The following CCDC170 variants were observed in gnomAD, a reference collection of about 807,000 sequenced individuals.
The protein encoded by CCDC170 is coiled-coil domain-containing protein 170.
CCDC170 carries 69 observed loss-of-function variants against 72.6 expected under a neutral mutation model. That is an observed-to-expected ratio of 0.95 (90% CI 0.78 to 1.16). CCDC170 has a LOEUF of 1.16. Among genes scored for constraint, CCDC170 ranks in the 50% most tolerant of loss-of-function variants. The probability of loss-of-function intolerance (pLI) is 0.00; values close to 1 mark genes in which losing one functional copy is unlikely to be tolerated. For synonymous variants in CCDC170, 300 were observed against 303.9 expected (o/e 0.99, Z 0.13); for missense variants, 852 against 832.5 (o/e 1.02, Z -0.29).
At chr6:151,499,800 A>G (rs147441066) in intron 1 of CCDC170, among the ~76,000 whole-genome samples, 84 of 152,324 alleles carry the variant, frequency 5.5e-4, no homozygotes, top group Non-Finnish European at 9.9e-4. Context: ...AGCTTGAAAT[A>G]TATTCCATTG....
chr6:151,581,648 C>T (rs1303482727), intron 6 of CCDC170, among the ~76,000 whole-genome samples: 1 of 152,208 alleles, frequency 6.6e-6, no homozygotes, highest in Non-Finnish European at 1.5e-5. Flanking sequence ...AGAAGGTTTT[C>T]AATTTACTTT....
In CCDC170 at chr6:151,572,649, G is replaced by GTTTTTTTTTTTTTTTTTTTTTTTTT. The variant is rs1213267537; in HGVS notation, c.775-505_775-504insTTTTTTTTTTTTTTTTTTTTTTTTT. On this transcript the variant is annotated intron_variant, in intron 5 of 10. Coordinates refer to ENST00000239374, the MANE Select transcript of CCDC170 (RefSeq NM_025059.4). ...TTTATATTTTATATCCCTTCTCTGT[G>GTTTTTTTTTTTTTTTTTTTTTTTTT]TTTTTTTTTTTTTTTTTTTTGATGG... Among the ~76,000 whole-genome samples the GTTTTTTTTTTTTTTTTTTTTTTTTT allele has an allele frequency of 6.8e-4, 26 of 37,974 alleles. 1 individual carries two copies. Among genetic ancestry groups the GTTTTTTTTTTTTTTTTTTTTTTTTT allele is most frequent in the African/African-American group, 2.1e-3 (17 of 8,154 alleles). The allele number at this position is 37,974 out of a possible 152,430, so 24.9% of individuals were successfully genotyped here. A position where few individuals can be genotyped will look rare whatever the true frequency, so the allele number is the denominator to read the frequency against.
At chr6:151,562,375 G>T (rs1776049958) in intron 5 of CCDC170, among the ~76,000 whole-genome samples, 1 of 152,142 alleles carries the variant, frequency 6.6e-6, no homozygotes, top group Non-Finnish European at 1.5e-5. Flanking sequence ...TTGTTTGAAT[G>T]GGACTTCTTT....
At chr6:151,588,505 A>T (rs1776487826) in intron 7 of CCDC170, among the ~76,000 whole-genome samples, 1 of 152,252 alleles carries the variant, frequency 6.6e-6, no homozygotes, top group African/African-American at 2.4e-5. Context: ...AGACTAGCCC[A>T]GTTCAGAAGA....
At chr6:151,545,213 G>A (rs993318329) in intron 4 of CCDC170, among the ~76,000 whole-genome samples, 1 of 151,984 alleles carries the variant, frequency 6.6e-6, no homozygotes, top group African/African-American at 2.4e-5. Context: ...TGAGGTCAGG[G>A]GTTTGAGACC....
rs146510020 is a variant in CCDC170 at position 151,583,511 on chromosome 6, G to A, written c.1093-2378G>A. 7.9e-5 allele frequency among the ~76,000 whole-genome samples: 12 copies of A among 152,122 alleles called. No individual in the cohort carries two copies. The East Asian group carries it at 2.3e-3, about 30-fold the overall frequency. ...CTCATTCTGTCACCTAGGCTGGAGT[G>A]CAGTGGCGTGATGTTGGCTCACTAC... On this transcript the variant is annotated intron_variant, in intron 6 of 10. Transcript: ENST00000239374.
chr6:151,563,518 T>G (rs1055029641), intron 5 of CCDC170, among the ~76,000 whole-genome samples: 1 of 152,088 alleles, frequency 6.6e-6, no homozygotes, highest in African/African-American at 2.4e-5. Flanking sequence ...AAAGTCAGAA[T>G]GGGTTGTGGG....
At position 151,573,621 on chromosome 6, in the gene CCDC170, A is replaced by T. The variant is rs1420603271; in HGVS notation, c.1092+130A>T. The T allele has an allele frequency of 5.4e-6, 5 of 929,806 alleles. No homozygotes were observed. The African/African-American group carries it at 6.7e-5, about 12-fold the overall frequency. 57.6% of individuals were successfully genotyped at this position (929,806 alleles called of 1,614,324 possible). On this transcript the variant is annotated intron_variant, in intron 6 of 10. Transcript: ENST00000239374. ...ACCCGAGACTGGGTAATTTATAAAG[A>T]CAAAGAGGTTTAATGGATTCACAGT...
chr6:151,601,164 G>A (rs557606068), intron 9 of CCDC170, among the ~76,000 whole-genome samples: 16 of 152,244 alleles, frequency 1.1e-4, no homozygotes, highest in South Asian at 4.2e-4. Context: ...CTTACATGGC[G>A]GTGGCAAGAG....
chr6:151,499,813 T>C (rs989900347), intron 1 of CCDC170, among the ~76,000 whole-genome samples: 1 of 152,206 alleles, frequency 6.6e-6, no homozygotes, highest in Non-Finnish European at 1.5e-5. Flanking sequence ...TTCCATTGTA[T>C]GCATATGTCA....
At position 151,520,759 on chromosome 6, in the gene CCDC170, C is replaced by T. The variant is rs890533620; in HGVS notation, c.58-15559C>T. 2.9e-4 allele frequency among the ~76,000 whole-genome samples: 44 copies of T among 152,134 alleles called. 1 individual carries two copies. Among genetic ancestry groups the T allele is most frequent in the Admixed American group, 2.0e-3 (31 of 15,272 alleles). On this transcript the variant is annotated intron_variant, in intron 1 of 10. Coordinates refer to ENST00000239374, the MANE Select transcript of CCDC170 (RefSeq NM_025059.4). ...AACTGGCCCATCTGATCTTGTGGCC[C>T]CCAGCTAGGAACTGACTCAGCACAA...
At chr6:151,509,730 C>A (rs1782121064) in intron 1 of CCDC170, among the ~76,000 whole-genome samples, 1 of 152,096 alleles carries the variant, frequency 6.6e-6, no homozygotes. Flanking sequence ...GTGATTGTTA[C>A]AATAGTCTTG....
At chr6:151,569,730 A>G (rs539800460) in intron 5 of CCDC170, among the ~76,000 whole-genome samples, 1 of 152,300 alleles carries the variant, frequency 6.6e-6, no homozygotes, top group African/African-American at 2.4e-5. Context: ...AAGTAATTGC[A>G]TTTGCAGTCT....
Position 151,618,533 on chromosome 6 carries a change from C to A in CCDC170, c.*386C>A. On this transcript the variant is annotated 3_prime_UTR_variant, in exon 11 of 11. Coordinates refer to ENST00000239374, the MANE Select transcript of CCDC170 (RefSeq NM_025059.4). ...TTTAATTTACAACCTTTCTGGGGCT[C>A]AGACATAAAGTTACCTATCCAAGGT... is the stretch of plus-strand genomic sequence containing the variant. 4.8e-6 allele frequency: 1 copy of A among 206,378 alleles called. No homozygotes were observed. Among genetic ancestry groups the A allele is most frequent in the Non-Finnish European group, 1.0e-5 (1 of 100,476 alleles). The allele number at this position is 206,378 out of a possible 1,614,324, so 12.8% of individuals were successfully genotyped here.
chr6:151,537,625 C>T (rs112321896), intron 2 of CCDC170, among the ~76,000 whole-genome samples: 1 of 151,988 alleles, frequency 6.6e-6, no homozygotes, highest in East Asian at 1.9e-4. Flanking sequence ...TAGTGATATA[C>T]TGAGTAGTCT....
intron 9 of CCDC170, among the ~76,000 whole-genome samples, chr6:151,606,566 T>C (rs796701736): frequency 2.6e-5 from 4 of 152,354 alleles, no homozygotes; most frequent in African/African-American, 9.6e-5. Flanking sequence ...GAATATTCCA[T>C]GTGCTGATGA....
intron 3 of CCDC170, among the ~76,000 whole-genome samples, chr6:151,541,881 T>C (rs35082199): frequency 0.62 from 85,083 of 137,792 alleles, 27,733 homozygotes; most frequent in East Asian, 0.74. Context: ...TATATATATA[T>C]ATATATTTTT....
At chr6:151,539,288 T>C (rs1782644009) in intron 3 of CCDC170, among the ~76,000 whole-genome samples, 1 of 152,008 alleles carries the variant, frequency 6.6e-6, no homozygotes, top group Non-Finnish European at 1.5e-5. Flanking sequence ...TATGTATTCA[T>C]GGTCTCCAAT....
chr6:151,558,206 C>T (rs940512109), intron 5 of CCDC170, among the ~76,000 whole-genome samples: 1 of 144,796 alleles, frequency 6.9e-6, no homozygotes, highest in Admixed American at 6.9e-5. Context: ...TATTCATGTC[C>T]TCACCCACTT....
Sources: gnomAD v4.1 joint callset for allele counts (sites outside exome capture counted in the v4.1 genomes callset) on GRCh38, gnomAD v4.1.1 for gene constraint, MANE v1.5 for transcripts, NCBI Gene and HGNC (gene_info 2026-07-23, HGNC 2026-07-21) for gene names.